Variants in RCC1L observed in about 807,000 individuals in gnomAD.
The protein encoded by RCC1L is RCC1-like G exchanging factor-like protein.
Under a neutral mutation model 58.6 loss-of-function variants are expected in RCC1L, and 46 were observed. That is an observed-to-expected ratio of 0.79 (90% CI 0.62 to 1.00). The LOEUF (loss-of-function observed/expected upper bound fraction) is 1.00, where lower values mean the gene tolerates loss of function less well. Among genes scored for constraint, RCC1L ranks in the 50% least tolerant of loss-of-function variants. The pLI is 0.00. For synonymous variants in RCC1L, 281 were observed against 262.9 expected, an observed-to-expected ratio of 1.07 and a Z score of -0.67; for missense variants, 636 against 623.6, an observed-to-expected ratio of 1.02 and a Z score of -0.21.
intron 2 of RCC1L, among the ~76,000 whole-genome samples, chr7:75,067,465 A>G (rs1436601504): frequency 1.3e-5 from 2 of 151,766 alleles, no homozygotes; most frequent in Non-Finnish European, 2.9e-5. Flanking sequence ...CCCCGTCTCT[A>G]CTAAAAATAC....
At chr7:75,047,004 C>T (rs949216877) in intron 10 of RCC1L, among the ~76,000 whole-genome samples, 3 of 152,110 alleles carry the variant, frequency 2.0e-5, no homozygotes, top group African/African-American at 7.2e-5. Flanking sequence ...GTCACCCAGG[C>T]TGGAGTGCAG....
chr7:75,045,110 G>A (rs1805680549), intron 10 of RCC1L, among the ~76,000 whole-genome samples: 1 of 152,198 alleles, frequency 6.6e-6, no homozygotes, highest in Non-Finnish European at 1.5e-5. Flanking sequence ...CTGGGCTCAA[G>A]TGATTTTCCC....
In RCC1L at chr7:75,042,236, A is replaced by T; in HGVS notation, c.*796T>A. 2 of 985,488 alleles carry T rather than the reference A, an allele frequency of 2.0e-6. No homozygotes were observed. The highest frequency in any genetic ancestry group is 4.7e-5 in the South Asian group (1 of 21,292). 61.0% of individuals were successfully genotyped at this position (985,488 alleles called of 1,614,324 possible). ...TTATTCCAAGACAGATTTGTAAAAG[A>T]TGTTTTTAAAGGGAAAGGCAAGTCA... On this transcript the variant is annotated 3_prime_UTR_variant, in exon 11 of 11. Coordinates refer to ENST00000610322, the MANE Select transcript of RCC1L (RefSeq NM_030798.5).
At chr7:75,044,182 T>C (rs1383830184) in intron 10 of RCC1L, among the ~76,000 whole-genome samples, 4 of 152,240 alleles carry the variant, frequency 2.6e-5, no homozygotes, top group Non-Finnish European at 4.4e-5. Context: ...CCCAGGGCCA[T>C]AGCCAATCCA....
At chr7:75,038,848 A>C (rs984553334), downstream of RCC1L, among the ~76,000 whole-genome samples, 5 of 152,208 alleles carry the variant, frequency 3.3e-5, no homozygotes, top group African/African-American at 1.2e-4. Context: ...TGCCAGTGGC[A>C]GATGACATCC....
At chr7:75,045,450 G>A (rs1805691045) in intron 10 of RCC1L, among the ~76,000 whole-genome samples, 2 of 152,182 alleles carry the variant, frequency 1.3e-5, no homozygotes, top group African/African-American at 4.8e-5. Flanking sequence ...GAAGTGCTGG[G>A]ATTCCAGGTG....
At chr7:75,062,018 T>C (rs1343791468) in intron 5 of RCC1L, among the ~76,000 whole-genome samples, 1 of 152,038 alleles carries the variant, frequency 6.6e-6, no homozygotes, top group South Asian at 2.1e-4. Flanking sequence ...TGAAACCCCA[T>C]CTCTACTAAA....
At position 75,073,567 on chromosome 7, in the gene RCC1L, G is replaced by GCGC. The variant is rs1554446506; in HGVS notation, c.170_171insGCG (p.Arg57dup). Reference sequence around the variant, plus strand: ...AGCCCCACACGAAGACGCGATCGGCGCGGGCAGCGCGCTCGCCCACGTACT... The same window carrying GCGC: ...AGCCCCACACGAAGACGCGATCGGCGCGCCGGGCAGCGCGCTCGCCCACGTACT... On this transcript the variant is annotated inframe_insertion, in exon 1 of 11. Transcript: ENST00000610322. 9.3e-6 allele frequency: 14 copies of GCGC among 1,508,632 alleles called. No homozygotes were observed. The highest frequency in any genetic ancestry group is 1.2e-5 in the Non-Finnish European group (14 of 1,137,730). The allele number at this position is 1,508,632 out of a possible 1,614,324, so 93.5% of individuals were successfully genotyped here. A position where few individuals can be genotyped will look rare whatever the true frequency, so the allele number is the denominator to read the frequency against.
intron 10 of RCC1L, among the ~76,000 whole-genome samples, chr7:75,044,810 G>A (rs1279227178): frequency 6.6e-6 from 1 of 150,980 alleles, no homozygotes; most frequent in Non-Finnish European, 1.5e-5. Flanking sequence ...GCCGCGGTGG[G>A]CAGGAGTTTG....
intron 4 of RCC1L, 147 bp downstream of exon 4, chr7:75,064,435 C>T: frequency 1.2e-6 from 1 of 819,086 alleles, no homozygotes. Flanking sequence ...CTGAAACAGA[C>T]AGCACTCCCC....
Position 75,073,464 on chromosome 7 carries a change from G to T in RCC1L, c.274C>A (p.Pro92Thr), listed in dbSNP as rs1806844276. ...GGCACGGGCTGGATCCTGCGGCGCG[G>T]TCGGGCGCCGGCGCGGGGCCCGGGC... ...SGPGPRAGAR[P>T]RRRIQPVPYR... The change falls in exon 1 of 11, where the codon CCG (proline) becomes ACG (threonine). Residue 92 changes from proline to threonine, a missense_variant. Physicochemically the swap from Pro to Thr is conservative, Grantham distance 38 (BLOSUM62 -1). Coordinates refer to ENST00000610322, the MANE Select transcript of RCC1L (RefSeq NM_030798.5). 2.2e-6 allele frequency: 3 copies of T among 1,376,386 alleles called. No homozygotes were observed. The African/African-American group carries it at 4.6e-5, about 21-fold the overall frequency. The allele number at this position is 1,376,386 out of a possible 1,614,324, so 85.3% of individuals were successfully genotyped here. A position where few individuals can be genotyped will look rare whatever the true frequency, so the allele number is the denominator to read the frequency against.
At chr7:75,030,429 C>T (rs1248285748) in intron 10 of RCC1L, among the ~76,000 whole-genome samples, 2 of 152,042 alleles carry the variant, frequency 1.3e-5, no homozygotes, top group Non-Finnish European at 1.5e-5. Context: ...GAGGGTGGGG[C>T]GTCTCTGGTA....
intron 2 of RCC1L, among the ~76,000 whole-genome samples, chr7:75,069,018 G>A (rs1223083623): frequency 6.6e-5 from 10 of 151,918 alleles, no homozygotes; most frequent in Non-Finnish European, 1.0e-4. Context: ...ACAGGCGCGC[G>A]CCTCCATGCC....
chr7:75,060,864 TTAA>T (rs1806253819), intron 6 of RCC1L, among the ~76,000 whole-genome samples: 1 of 151,622 alleles, frequency 6.6e-6, no homozygotes, highest in South Asian at 2.1e-4. Flanking sequence ...GGCAGACTGC[TTAA>T]GGTCAGGAGT....
intron 10 of RCC1L, among the ~76,000 whole-genome samples, chr7:75,034,239 G>C (rs991419431): frequency 5.9e-5 from 9 of 152,196 alleles, no homozygotes; most frequent in Admixed American, 2.0e-4. Context: ...ATTGCAGCTG[G>C]GCGTGGTGGC....
At chr7:75,033,793 G>A (rs1805372056) in intron 10 of RCC1L, among the ~76,000 whole-genome samples, 1 of 152,066 alleles carries the variant, frequency 6.6e-6, no homozygotes, top group African/African-American at 2.4e-5. Flanking sequence ...AGGAGTTGGA[G>A]GCTCCAGTGA....
chr7:75,052,347 C>T (rs949841234), intron 10 of RCC1L, among the ~76,000 whole-genome samples: 2 of 152,194 alleles, frequency 1.3e-5, no homozygotes, highest in African/African-American at 2.4e-5. Context: ...TCTGTTTCCC[C>T]GATCCACCCC....
At chr7:75,056,720 T>C (rs1427210593) in intron 8 of RCC1L, 6 of 1,535,346 alleles carry the variant, frequency 3.9e-6, no homozygotes, top group Non-Finnish European at 4.4e-6. Flanking sequence ...TCTGTGGCCA[T>C]GTATCTACAG....
chr7:75,027,782 A>G, exon 11 of RCC1L: 1 of 543,744 alleles, frequency 1.8e-6, no homozygotes, highest in East Asian at 3.3e-5. Flanking sequence ...AGCTTGGTTT[A>G]TCTTCTCGGC....
Sources: gnomAD v4.1 joint callset for allele counts (sites outside exome capture counted in the v4.1 genomes callset) on GRCh38, gnomAD v4.1.1 for gene constraint, MANE v1.5 for transcripts, NCBI Gene and HGNC (gene_info 2026-07-23, HGNC 2026-07-21) for gene names.